Variants in FNTB observed in about 807,000 individuals in gnomAD.
FNTB encodes the protein farnesyltransferase, CAAX box, subunit beta, also known as protein farnesyltransferase subunit beta.
FNTB carries 27 observed loss-of-function variants against 59.4 expected under a neutral mutation model. The observed-to-expected ratio is 0.45, with a 90% CI of 0.34 to 0.63. FNTB has a LOEUF of 0.63. FNTB is among the 20% of genes least tolerant of loss of function. The pLI is 0.02. For missense variants in FNTB, 449 were observed against 559.6 expected (o/e 0.80, Z 1.99); for synonymous variants, 230 against 220.7 (o/e 1.04, Z -0.37).
chr14:65,040,307 G>A (rs1010984173), intron 7 of FNTB, among the ~76,000 whole-genome samples: 2 of 149,166 alleles, frequency 1.3e-5, no homozygotes, highest in African/African-American at 2.4e-5. Context: ...GTATATATAT[G>A]TGTATATATG....
chr14:65,061,599 C>T lies in FNTB; in HGVS notation c.*287C>T. The T allele has an allele frequency of 3.0e-6, 1 of 330,084 alleles. No homozygotes were observed. The highest frequency in any genetic ancestry group is 5.8e-6 in the Non-Finnish European group (1 of 172,722). The allele number at this position is 330,084 out of a possible 1,614,324, so 20.4% of individuals were successfully genotyped here. A position where few individuals can be genotyped will look rare whatever the true frequency, so the allele number is the denominator to read the frequency against. On this transcript the variant is annotated 3_prime_UTR_variant, in exon 12 of 12. Coordinates refer to ENST00000246166, the MANE Select transcript of FNTB (RefSeq NM_002028.4). ...AGGAAGCAGTCCCTCCTCACCAGCT[C>T]TCCAGCCAGGACGATCACACAGAGA...
rs2062426454 is a variant in FNTB, at chr14:65,044,266, G to C, written c.823-45G>C. On this transcript the variant is annotated intron_variant, in intron 8 of 11. Transcript: ENST00000246166. This position sits in a 1 kb window ranked among gnomAD's most constrained non-coding sequence, Gnocchi z 5.5. ...TGGAGATTCTGTCGGGCTGGATTTTGTCTCTTTTAGCCTACAACTGCCTTT... is the reference window on the plus strand; with the variant it reads ...TGGAGATTCTGTCGGGCTGGATTTTCTCTCTTTTAGCCTACAACTGCCTTT... The C allele has an allele frequency of 1.9e-6, 3 of 1,606,908 alleles. No homozygotes were observed. In the East Asian group the frequency reaches 6.8e-5, roughly 36 times the overall value.
In FNTB at chr14:65,023,056, T is replaced by G. The variant is rs1375666512; in HGVS notation, c.375-4397T>G. 1.3e-5 allele frequency among the ~76,000 whole-genome samples: 2 copies of G among 152,318 alleles called. No homozygotes were observed. The highest frequency in any genetic ancestry group is 3.9e-4 in the East Asian group (2 of 5,190). Reference sequence around the variant, plus strand: ...TCCAAACTGATGACGGTGTTTAGAATCAACATTGATTAATTGATTGAGACA... The same window carrying G: ...TCCAAACTGATGACGGTGTTTAGAAGCAACATTGATTAATTGATTGAGACA... On this transcript the variant is annotated intron_variant, in intron 4 of 11. Coordinates refer to ENST00000246166, the MANE Select transcript of FNTB (RefSeq NM_002028.4). This position sits in a 1 kb window ranked among gnomAD's most constrained non-coding sequence, Gnocchi z 4.1.
chr14:65,004,806 G>A (rs1162217284), intron 2 of FNTB, among the ~76,000 whole-genome samples: 1 of 152,088 alleles, frequency 6.6e-6, no homozygotes, highest in Non-Finnish European at 1.5e-5. Flanking sequence ...GGGATTACAG[G>A]CACCCACCAC....
At chr14:64,987,647 C>G (rs1888001597) in intron 1 of FNTB, 1 of 157,478 alleles carries the variant, frequency 6.4e-6, no homozygotes, top group Non-Finnish European at 1.4e-5. Flanking sequence ...CAATATTAAA[C>G]GATGGAAGTA....
intron 7 of FNTB, 89 bp from the exon 8 acceptor site, chr14:65,040,701 G>A (rs2062332615): frequency 1.5e-6 from 2 of 1,366,908 alleles, no homozygotes; most frequent in Admixed American, 2.3e-5. Context: ...TAATCTGAGT[G>A]AACTTTTTCT....
chr14:65,053,311 C>A lies in FNTB; in HGVS notation c.1029C>A (p.Cys343Ter). Reference protein sequence around the residue: ...QALQEYILMCCQCPAGGLLDK... With the variant: ...QALQEYILMC ...TGCAGGAGTACATCCTGATGTGCTG[C>A]CAGTGCCCTGCGGGGGGGCTTCTGG... Residue 343 changes from cysteine (C) to a stop codon, truncating the protein, a stop_gained, in exon 10 of 12, where the codon TGC becomes TGA. Transcript: ENST00000246166. LOFTEE classifies it high-confidence loss of function. 1 of 1,451,500 alleles carries A rather than the reference C, an allele frequency of 6.9e-7. No homozygotes were observed. The highest frequency in any genetic ancestry group is 1.5e-5 in the South Asian group (1 of 66,134). The allele number at this position is 1,451,500 out of a possible 1,614,324, so 89.9% of individuals were successfully genotyped here.
chr14:64,996,274 GGCCCATC>G (rs773958463), intron 1 of FNTB, among the ~76,000 whole-genome samples: 27 of 152,126 alleles, frequency 1.8e-4, no homozygotes, highest in Admixed American at 6.6e-4. Context: ...AACATGGTGA[GGCCCATC>G]TCTATTATAA....
intron 1 of FNTB, chr14:65,003,505 A>G (rs2061541662): frequency 6.6e-6 from 1 of 152,132 alleles, no homozygotes. Flanking sequence ...AAGAAAAACA[A>G]GCAGAAGTTT....
In FNTB at chr14:65,044,441, A is replaced by G. The variant is rs1189970731; in HGVS notation, c.953A>G (p.Gln318Arg). 1.9e-6 allele frequency: 3 copies of G among 1,606,260 alleles called. No homozygotes were observed. The highest frequency in any genetic ancestry group is 2.5e-6 in the Non-Finnish European group (3 of 1,177,220). The change falls in exon 9 of 12, where the codon CAA becomes CGA. Residue 318 changes from glutamine (Q) to arginine (R), a missense_variant and splice_region_variant. Physicochemically the swap from Gln to Arg is conservative, Grantham distance 43. Coordinates refer to ENST00000246166, the MANE Select transcript of FNTB (RefSeq NM_002028.4). The surrounding 1 kb of genome is among the most constrained non-coding windows in gnomAD (Gnocchi z 5.5). ...LPLLHRALHAQGDPALSMSHW... is the reference protein window; with the variant it reads ...LPLLHRALHARGDPALSMSHW... ...CTGCTCCACCGCGCACTGCACGCCC[A>G]AGGTGAGCCTGGGGAGCTGTTCACT...
chr14:65,038,392 AGT>A (rs1954838462), intron 7 of FNTB, among the ~76,000 whole-genome samples: 1 of 151,340 alleles, frequency 6.6e-6, no homozygotes, highest in African/African-American at 2.4e-5. Context: ...CCCAGGTGAC[AGT>A]GTGAGACTCC....
In FNTB at chr14:65,031,271, A is replaced by C. The variant is rs1266629329; in HGVS notation, c.606-1339A>C. Among the ~76,000 whole-genome samples, 1 of 151,930 alleles carries C rather than the reference A, an allele frequency of 6.6e-6. No homozygotes were observed. The highest frequency in any genetic ancestry group is 1.5e-5 in the Non-Finnish European group (1 of 67,982). ...TGCCCCGAGAAGAATTAGGGCTGGGAGGATGGAACAGCAAGAATGATCCTA... is the reference window on the plus strand; with the variant it reads ...TGCCCCGAGAAGAATTAGGGCTGGGCGGATGGAACAGCAAGAATGATCCTA... On this transcript the variant is annotated intron_variant, in intron 6 of 11. Coordinates refer to ENST00000246166, the MANE Select transcript of FNTB (RefSeq NM_002028.4). The surrounding 1 kb of genome is among the most constrained non-coding windows in gnomAD (Gnocchi z 4.6).
rs149471226 is a variant in FNTB at position 65,053,323 on chromosome 14, G to A, written c.1041G>A (p.Ala347=). The A allele has an allele frequency of 5.1e-5, 73 of 1,439,950 alleles. No homozygotes were observed. The highest frequency in any genetic ancestry group is 1.9e-4 in the Middle Eastern group (1 of 5,366). 89.2% of individuals were successfully genotyped at this position (1,439,950 alleles called of 1,614,324 possible). Residue 347 remains alanine (A), a synonymous_variant, in exon 10 of 12, where the codon GCG becomes GCA. Coordinates refer to ENST00000246166, the MANE Select transcript of FNTB (RefSeq NM_002028.4). ...TCCTGATGTGCTGCCAGTGCCCTGC[G>A]GGGGGGCTTCTGGATAAACCTGGCA... is the stretch of plus-strand genomic sequence containing the variant. The part of the protein sequence containing the change: ...EYILMCCQCP[A]GGLLDKPGKS...
chr14:65,017,215 A>T (rs904800323), intron 4 of FNTB, among the ~76,000 whole-genome samples: 4 of 152,040 alleles, frequency 2.6e-5, no homozygotes, highest in Non-Finnish European at 5.9e-5. Context: ...GAGCCACCAC[A>T]TCCAGCCTCG....
Position 65,054,653 on chromosome 14 carries a change from G to A in FNTB, c.1146G>A (p.Leu382=), listed in dbSNP as rs568175636. Residue 382 remains leucine (L), a synonymous_variant, in exon 11 of 12, where the codon TTG becomes TTA. Coordinates refer to ENST00000246166, the MANE Select transcript of FNTB (RefSeq NM_002028.4). The surrounding 1 kb of genome is among the most constrained non-coding windows in gnomAD (Gnocchi z 4.4). ...IAQHFGSGAM[L]HDVVLGVPEN... is the part of the protein sequence containing the mutation. ...AGCACTTCGGCAGCGGAGCCATGTT[G>A]CATGATGTGGTCCTGGGTGTGCCCG... 22 of 1,613,388 alleles carry A rather than the reference G, an allele frequency of 1.4e-5. No homozygotes were observed. The highest frequency in any genetic ancestry group is 1.6e-4 in the Middle Eastern group (1 of 6,062).
chr14:65,053,625 T>TAAAAAAAAACAAAAAAAAAAAAAAA (rs201558638), intron 10 of FNTB, among the ~76,000 whole-genome samples: 2 of 146,300 alleles, frequency 1.4e-5, no homozygotes, highest in African/African-American at 5.4e-5. Flanking sequence ...CTTCTTTTTT[T>TAAAAAAAAACAAAAAAAAAAAAAAA]TAAAAAAAAC....
At position 64,990,976 on chromosome 14, in the gene FNTB, A is replaced by G. The variant is rs1186528031; in HGVS notation, c.144+3879A>G. The stretch of plus-strand genomic sequence containing the variant: ...CTTTCATGACACTAGAGAACAAGAC[A>G]TGGTTGTATTGTTAGTGCCTGCCTT... On this transcript the variant is annotated intron_variant, in intron 1 of 11. Transcript: ENST00000246166. The surrounding 1 kb of genome is among the most constrained non-coding windows in gnomAD (Gnocchi z 5.2). Among the ~76,000 whole-genome samples, 1 of 152,120 alleles carries G rather than the reference A, an allele frequency of 6.6e-6. No individual in the cohort carries two copies. Among genetic ancestry groups the G allele is most frequent in the African/African-American group, 2.4e-5 (1 of 41,414 alleles).
At chr14:64,992,623 T>C (rs1208423084) in intron 1 of FNTB, among the ~76,000 whole-genome samples, 1 of 152,176 alleles carries the variant, frequency 6.6e-6, no homozygotes, top group African/African-American at 2.4e-5. Context: ...TGCATAACAT[T>C]AGACTTTTTT....
At chr14:64,993,014 T>A (rs1888260991) in intron 1 of FNTB, among the ~76,000 whole-genome samples, 1 of 152,180 alleles carries the variant, frequency 6.6e-6, no homozygotes, top group Non-Finnish European at 1.5e-5. Flanking sequence ...TTTTATATTT[T>A]TTTGTAGAGA....
Sources: allele counts gnomAD v4.1 joint callset (sites outside exome capture counted in the v4.1 genomes callset), GRCh38; gene constraint gnomAD v4.1.1; non-coding constraint Gnocchi (gnomAD v3.1); transcripts MANE v1.5; gene names NCBI Gene and HGNC (gene_info 2026-07-23, HGNC 2026-07-21).